The following ITPR1 variants were observed in gnomAD, a reference collection of about 807,000 sequenced individuals.
ITPR1 encodes the protein inositol 1,4,5-trisphosphate receptor type 1.
ITPR1 carries 96 observed loss-of-function variants against 318.4 expected under a neutral mutation model. That is an observed-to-expected ratio of 0.30 (90% CI 0.26 to 0.36). ITPR1 has a LOEUF of 0.36. ITPR1 is among the 10% of genes least tolerant of loss of function. The pLI is 1.00. For missense variants in ITPR1, 2,440 were observed against 3,460.2 expected (o/e 0.71, Z 7.40); for synonymous variants, 1,312 against 1,289.9 (o/e 1.02, Z -0.37).
chr3:4,538,411 G>A (rs1245863056), intron 4 of ITPR1, among the ~76,000 whole-genome samples: 1 of 152,198 alleles, frequency 6.6e-6, no homozygotes, highest in Admixed American at 6.5e-5. Context: ...TGCTGGTGAG[G>A]TTGTAGAGAA....
At chr3:4,808,731 G>A (rs546550599) in intron 55 of ITPR1, among the ~76,000 whole-genome samples, 10 of 152,242 alleles carry the variant, frequency 6.6e-5, no homozygotes, top group African/African-American at 2.2e-4. Context: ...AAAAGAAATC[G>A]GGCTGCCTGT....
At chr3:4,658,332 T>C in intron 13 of ITPR1, 54 bp downstream of exon 13, 2 of 1,456,090 alleles carry the variant, frequency 1.4e-6, no homozygotes, top group Non-Finnish European at 1.9e-6. Context: ...GTAGGTGGCC[T>C]GACCAGGTTT....
At chr3:4,525,933 A>C (rs1286055445) in intron 4 of ITPR1, among the ~76,000 whole-genome samples, 1 of 152,240 alleles carries the variant, frequency 6.6e-6, no homozygotes, top group East Asian at 1.9e-4. Flanking sequence ...TTGCTCCCAG[A>C]ATCTCTGCTC....
At position 4,609,089 on chromosome 3, in the gene ITPR1, T is replaced by TAC. The variant is rs1553643409; in HGVS notation, c.164-18665_164-18664dup. Among the ~76,000 whole-genome samples, 157 of 91,886 alleles carry TAC rather than the reference T, an allele frequency of 1.7e-3. 2 individuals are homozygous for TAC. The highest frequency in any genetic ancestry group is 4.1e-3 in the East Asian group (12 of 2,948). 60.3% of individuals were successfully genotyped at this position (91,886 alleles called of 152,430 possible). A position where few individuals can be genotyped will look rare whatever the true frequency, so the allele number is the denominator to read the frequency against. On this transcript the variant is annotated intron_variant, in intron 4 of 61. Coordinates refer to ENST00000649015, the MANE Select transcript of ITPR1 (RefSeq NM_001378452.1). ...ATATATATATATATATATATATATA[T>TAC]ACACACACACGTATGTCAGTGGTGG... is the stretch of plus-strand genomic sequence containing the variant.
chr3:4,814,721 C>T, intron 58 of ITPR1, 159 bp downstream of exon 58: 1 of 706,114 alleles, frequency 1.4e-6, no homozygotes, highest in South Asian at 1.9e-5. Flanking sequence ...CCTTTCCTCT[C>T]TATCACGTGA....
At chr3:4,740,089 A>T (rs1444173899) in intron 44 of ITPR1, among the ~76,000 whole-genome samples, 1 of 152,210 alleles carries the variant, frequency 6.6e-6, no homozygotes, top group Non-Finnish European at 1.5e-5. Flanking sequence ...CCCCATTTCA[A>T]AGGCGGGGAG....
intron 2 of ITPR1, among the ~76,000 whole-genome samples, chr3:4,505,575 G>T (rs2081338508): frequency 6.6e-6 from 1 of 152,208 alleles, no homozygotes; most frequent in Admixed American, 6.5e-5. Context: ...AGGGCCTTTT[G>T]TTTTTTAGGA....
At chr3:4,830,066 T>C (rs895058817) in intron 60 of ITPR1, among the ~76,000 whole-genome samples, 2 of 140,572 alleles carry the variant, frequency 1.4e-5, no homozygotes, top group Non-Finnish European at 3.0e-5. Context: ...CTCTGCCTCC[T>C]GGGTTCAAGC....
Position 4,606,242 on chromosome 3 carries a change from C to G in ITPR1, c.164-21521C>G, listed in dbSNP as rs77176429. On this transcript the variant is annotated intron_variant, in intron 4 of 61. Coordinates refer to ENST00000649015, the MANE Select transcript of ITPR1 (RefSeq NM_001378452.1). Reference sequence around the variant, plus strand: ...GATTCTGGAGGAGGCAGTGACGAACCCTGTGTGGTAGGGTGGAGTAGGATG... The same window carrying G: ...GATTCTGGAGGAGGCAGTGACGAACGCTGTGTGGTAGGGTGGAGTAGGATG... Among the ~76,000 whole-genome samples the G allele has an allele frequency of 6.5e-3, 985 of 152,028 alleles. 16 individuals are homozygous for G. The highest frequency in any genetic ancestry group is 0.022 in the African/African-American group (918 of 41,470).
chr3:4,753,134 G>C (rs2044672251), intron 44 of ITPR1, among the ~76,000 whole-genome samples: 1 of 152,206 alleles, frequency 6.6e-6, no homozygotes, highest in Non-Finnish European at 1.5e-5. Flanking sequence ...GCTTGTGCTT[G>C]GGATGTTGGA....
intron 12 of ITPR1, among the ~76,000 whole-genome samples, chr3:4,654,888 G>A (rs2093672203): frequency 1.3e-5 from 2 of 152,274 alleles, no homozygotes; most frequent in East Asian, 1.9e-4. Flanking sequence ...TCCTGCTGTG[G>A]GTTTGTGGAT....
At chr3:4,635,495 C>G (rs778632838) in intron 5 of ITPR1, among the ~76,000 whole-genome samples, 7 of 151,960 alleles carry the variant, frequency 4.6e-5, no homozygotes, top group Non-Finnish European at 1.0e-4. Context: ...TGCCCGCCAC[C>G]ACGCCCGGCT....
chr3:4,645,823 C>T (rs2093443121), intron 10 of ITPR1, 95 bp downstream of exon 10: 1 of 1,141,788 alleles, frequency 8.8e-7, no homozygotes, highest in African/African-American at 1.5e-5. Flanking sequence ...TTCATACATA[C>T]ATATACCTAT....
At chr3:4,506,355 A>G (rs566854792) in intron 2 of ITPR1, among the ~76,000 whole-genome samples, 105 of 152,028 alleles carry the variant, frequency 6.9e-4, no homozygotes, top group African/African-American at 2.5e-3. Flanking sequence ...CCTTTGTACT[A>G]GCCGTTTACT....
chr3:4,585,419 C>T (rs1453716949), intron 4 of ITPR1, among the ~76,000 whole-genome samples: 2 of 152,044 alleles, frequency 1.3e-5, no homozygotes, highest in Non-Finnish European at 2.9e-5. Context: ...CTACTACTAA[C>T]ATGCACTTTT....
At chr3:4,507,686 G>A (rs1575345757) in intron 2 of ITPR1, among the ~76,000 whole-genome samples, 1 of 152,306 alleles carries the variant, frequency 6.6e-6, no homozygotes, top group Middle Eastern at 3.4e-3. Flanking sequence ...GTTCCTCTCT[G>A]TGTCTGAGAA....
intron 2 of ITPR1, among the ~76,000 whole-genome samples, chr3:4,499,579 G>A (rs1370460789): frequency 6.6e-6 from 1 of 152,122 alleles, no homozygotes; most frequent in African/African-American, 2.4e-5. Context: ...TCCAAATAAG[G>A]TAAATACATT....
chr3:4,722,661 A>T (rs1473110626), intron 40 of ITPR1, among the ~76,000 whole-genome samples: 2 of 152,190 alleles, frequency 1.3e-5, no homozygotes, highest in Non-Finnish European at 2.9e-5. Flanking sequence ...CATAGCCAAC[A>T]TCCGCATTAG....
At chr3:4,499,521 T>C (rs555188005) in intron 2 of ITPR1, among the ~76,000 whole-genome samples, 2 of 152,288 alleles carry the variant, frequency 1.3e-5, no homozygotes, top group South Asian at 4.1e-4. Flanking sequence ...AAAAAATACA[T>C]AATATAATAA....
Sources: allele counts gnomAD v4.1 joint callset (sites outside exome capture counted in the v4.1 genomes callset), GRCh38; gene constraint gnomAD v4.1.1; transcripts MANE v1.5; gene names NCBI Gene and HGNC (gene_info 2026-07-23, HGNC 2026-07-21).